CERT1: variants seen among roughly 807,000 people sequenced by gnomAD.
CERT1 encodes the protein ceramide transporter 1.
CERT1 carries 31 observed loss-of-function variants against 87.9 expected under a neutral mutation model. The ratio of observed to expected loss-of-function variants is 0.35; its 90% confidence interval spans 0.27 to 0.48. The LOEUF is 0.48. CERT1 is among the 20% of genes least tolerant of loss of function. CERT1 has a pLI of 0.99. For synonymous variants in CERT1, 289 were observed against 250.9 expected, an observed-to-expected ratio of 1.15 and a Z score of -1.44; for missense variants, 487 against 758.0, an observed-to-expected ratio of 0.64 and a Z score of 4.20.
chr5:75,511,162 G>C lies in CERT1; in HGVS notation c.46C>G (p.Pro16Ala). 3.7e-6 allele frequency: 6 copies of C among 1,611,788 alleles called. No individual in the cohort carries two copies. The highest frequency in any genetic ancestry group is 1.7e-4 in the Middle Eastern group (1 of 6,056). ...ACAGGCGGCCCAGACTCCGTCTCTG[G>C]ATCCTCCTCCGAGCCCGACGAGTTC... The part of the protein sequence containing the change: ...SWNSSGSEED[P>A]ETESGPPVER... The change falls in exon 1 of 17, where the codon CCA (proline) becomes GCA (alanine). Residue 16 changes from proline (P) to alanine (A), a missense_variant. Pro to Ala is a conservative substitution (Grantham distance 27). Around this residue, in one of 8 missense-constraint regions of CERT1, gnomAD observed 173 missense variants for 302.2 expected, o/e 0.57. Coordinates refer to ENST00000643780, the MANE Select transcript of CERT1 (RefSeq NM_001379029.1).
chr5:75,379,320 A>G lies in CERT1; in HGVS notation c.*26T>C. On this transcript the variant is annotated 3_prime_UTR_variant, in exon 17 of 17. Transcript: ENST00000643780. The stretch of plus-strand genomic sequence containing the variant: ...GTCAAATAAAGTTAAAAAAAGATAA[A>G]ACATATCTTCTAGTACCTGTTAATA... The G allele has an allele frequency of 6.4e-7, 1 of 1,569,796 alleles. No individual in the cohort carries two copies. The highest frequency in any genetic ancestry group is 1.2e-5 in the South Asian group (1 of 86,162).
At chr5:75,448,640 T>C (rs1764649323) in intron 3 of CERT1, among the ~76,000 whole-genome samples, 1 of 152,172 alleles carries the variant, frequency 6.6e-6, no homozygotes, top group African/African-American at 2.4e-5. Flanking sequence ...TTGCTGTCAA[T>C]ATGTATAAGC....
chr5:75,417,128 G>C, intron 6 of CERT1, 95 bp from the exon 7 acceptor site: 1 of 1,026,332 alleles, frequency 9.7e-7, no homozygotes, highest in South Asian at 1.8e-5. Flanking sequence ...TAGCAAGTCA[G>C]AGCAGGTTTT....
intron 2 of CERT1, among the ~76,000 whole-genome samples, chr5:75,501,904 T>TA (rs1561308244): frequency 6.6e-6 from 1 of 152,150 alleles, no homozygotes; most frequent in Non-Finnish European, 1.5e-5. Flanking sequence ...TATAGAGAGA[T>TA]AGTCTTTGAG....
At chr5:75,371,549 A>G (rs1761084995) in intron 17 of CERT1, 2 of 152,208 alleles carry the variant, frequency 1.3e-5, no homozygotes, top group South Asian at 4.1e-4. Flanking sequence ...CCTTGCAGAT[A>G]TAACCCTCCT....
In CERT1 at chr5:75,431,505, C is replaced by G. The variant is rs528916674; in HGVS notation, c.349-5027G>C. On this transcript the variant is annotated intron_variant, in intron 3 of 16. Coordinates refer to ENST00000643780, the MANE Select transcript of CERT1 (RefSeq NM_001379029.1). The stretch of plus-strand genomic sequence containing the variant: ...CCCTGCTATGTGAGCTCTGTCATGG[C>G]AGGAACTGTTGGCATCACCCACCTG... Among the ~76,000 whole-genome samples the G allele has an allele frequency of 3.3e-5, 5 of 152,314 alleles. No homozygotes were observed. In the South Asian group the frequency reaches 1.0e-3, roughly 32 times the overall value.
At chr5:75,411,468 C>A (rs947554935) in intron 7 of CERT1, among the ~76,000 whole-genome samples, 4 of 152,086 alleles carry the variant, frequency 2.6e-5, no homozygotes, top group African/African-American at 9.7e-5. Flanking sequence ...CTTGTGCCAT[C>A]ACACCCAGCT....
At chr5:75,426,601 A>G in intron 3 of CERT1, 123 bp from the exon 4 acceptor site, 2 of 652,108 alleles carry the variant, frequency 3.1e-6, no homozygotes, top group East Asian at 5.5e-5. Flanking sequence ...CATAAGATAT[A>G]TAGTCAATCC....
At chr5:75,484,081 G>T (rs1217316343) in intron 2 of CERT1, among the ~76,000 whole-genome samples, 3 of 151,916 alleles carry the variant, frequency 2.0e-5, no homozygotes, top group Admixed American at 2.0e-4. Context: ...TTTAAAAGTG[G>T]GGGGTGATAA....
At chr5:75,434,242 T>C (rs1257284094) in intron 3 of CERT1, among the ~76,000 whole-genome samples, 1 of 152,016 alleles carries the variant, frequency 6.6e-6, no homozygotes, top group Middle Eastern at 3.4e-3. Flanking sequence ...CCTTTCCTGT[T>C]ATCCACTGAG....
intron 2 of CERT1, among the ~76,000 whole-genome samples, chr5:75,468,485 T>C (rs779443011): frequency 1.1e-4 from 17 of 152,024 alleles, no homozygotes; most frequent in Admixed American, 6.6e-5. Flanking sequence ...TGAATCCAGG[T>C]TGGTATCTGT....
At chr5:75,428,323 T>A (rs943044690) in intron 3 of CERT1, among the ~76,000 whole-genome samples, 5 of 151,660 alleles carry the variant, frequency 3.3e-5, no homozygotes, top group Admixed American at 3.3e-4. Flanking sequence ...AAACGTGCAA[T>A]TTGCAATAAA....
chr5:75,499,438 T>G (rs977923274), intron 2 of CERT1, among the ~76,000 whole-genome samples: 3 of 152,142 alleles, frequency 2.0e-5, no homozygotes, highest in Non-Finnish European at 4.4e-5. Context: ...GATGGTTTTA[T>G]AAAGAGCTTG....
chr5:75,423,156 T>C (rs1763458215), intron 5 of CERT1, among the ~76,000 whole-genome samples: 1 of 152,236 alleles, frequency 6.6e-6, no homozygotes, highest in South Asian at 2.1e-4. Context: ...TCAAATCATC[T>C]ACACAACCTG....
chr5:75,461,798 A>C (rs1175717163), intron 2 of CERT1, among the ~76,000 whole-genome samples: 1 of 151,210 alleles, frequency 6.6e-6, no homozygotes, highest in Admixed American at 6.6e-5. Flanking sequence ...GAATAACACA[A>C]AAGTTTTACA....
In CERT1 at chr5:75,384,623, T is replaced by C. The variant is rs566172166; in HGVS notation, c.1488+19A>G. 1 of 1,534,716 alleles carries C rather than the reference T, an allele frequency of 6.5e-7. No homozygotes were observed. The highest frequency in any genetic ancestry group is 1.7e-5 in the Admixed American group (1 of 59,470). On this transcript the variant is annotated intron_variant, in intron 14 of 16. Coordinates refer to ENST00000643780, the MANE Select transcript of CERT1 (RefSeq NM_001379029.1). ...GAACTACATTGAAATCCTTTTAGGA[T>C]GAATGAAGAGATCTTTACCTTGTGT...
chr5:75,468,452 C>T (rs1034880375), intron 2 of CERT1, among the ~76,000 whole-genome samples: 1 of 152,098 alleles, frequency 6.6e-6, no homozygotes. Context: ...AAATCCAGTG[C>T]CAGGCAGACC....
chr5:75,429,784 T>C (rs10075139), intron 3 of CERT1, among the ~76,000 whole-genome samples: 34,825 of 149,856 alleles, frequency 0.23, 4,174 homozygotes, highest in South Asian at 0.43. Flanking sequence ...TTCCTGGCAG[T>C]GTTAAGTGCT....
Position 75,382,822 on chromosome 5 carries a change from T to C in CERT1, c.1489-745A>G, listed in dbSNP as rs567409638. ...GATGAAATGATTCATTTTTTAAAGA[T>C]ACAAAATTTCATGTAGTTGATAAAT... On this transcript the variant is annotated intron_variant, in intron 14 of 16. Transcript: ENST00000643780. Among the ~76,000 whole-genome samples, 184 of 152,124 alleles carry C rather than the reference T, an allele frequency of 1.2e-3. 8 individuals are homozygous for C. The South Asian group carries it at 0.037, about 31-fold the overall frequency.
Sources: gnomAD v4.1 joint callset for allele counts (sites outside exome capture counted in the v4.1 genomes callset) on GRCh38, gnomAD v4.1.1 for gene constraint, gnomAD v4.1.1 regional missense constraint, MANE v1.5 for transcripts, NCBI Gene and HGNC (gene_info 2026-07-23, HGNC 2026-07-21) for gene names.